Variants in PKDCC observed in about 807,000 individuals in gnomAD.
PKDCC encodes the protein extracellular tyrosine-protein kinase PKDCC.
A neutral mutation model predicts 44.7 loss-of-function variants in PKDCC; 35 were observed. The ratio of observed to expected loss-of-function variants is 0.78; its 90% CI spans 0.60 to 1.04. The LOEUF is 1.04. PKDCC is among the 50% of genes least tolerant of loss of function. The pLI, the probability that PKDCC is intolerant of heterozygous loss-of-function variation, is 0.00. For missense variants in PKDCC, 738 were observed against 672.7 expected, an observed-to-expected ratio of 1.10 and a Z score of -1.07; for synonymous variants, 353 against 303.3, an observed-to-expected ratio of 1.16 and a Z score of -1.70.
chr2:42,052,471 G>C lies in PKDCC; in HGVS notation c.640-768G>C, dbSNP rs184187337. ...TTCTTAGAAAAAACAGATTGTGGCC[G>C]GGCGCAGTGGCTCACGCCTGTAATC... On this transcript the variant is annotated intron_variant, in intron 1 of 6. Coordinates refer to ENST00000294964, the MANE Select transcript of PKDCC (RefSeq NM_138370.3). This position sits in a 1 kb window ranked among gnomAD's most constrained non-coding sequence, Gnocchi z 4.3. 6.6e-6 allele frequency among the ~76,000 whole-genome samples: 1 copy of C among 152,174 alleles called. No homozygotes were observed. The highest frequency in any genetic ancestry group is 6.5e-5 in the Admixed American group (1 of 15,272).
rs1346935870 is a variant in PKDCC, at chr2:42,051,350, C to A, written c.640-1889C>A. On this transcript the variant is annotated intron_variant, in intron 1 of 6. Transcript: ENST00000294964. The surrounding 1 kb of genome is among the most constrained non-coding windows in gnomAD (Gnocchi z 4.2). Reference sequence around the variant, plus strand: ...AACCTCTCCCCACCTCCCCCTCCCCCAGTCATCCTGGGGCCCCCAGGCCTT... The same window carrying A: ...AACCTCTCCCCACCTCCCCCTCCCCAAGTCATCCTGGGGCCCCCAGGCCTT... Among the ~76,000 whole-genome samples, 1 of 150,750 alleles carries A rather than the reference C, an allele frequency of 6.6e-6. No individual in the cohort carries two copies. The highest frequency in any genetic ancestry group is 1.5e-5 in the Non-Finnish European group (1 of 67,672).
At position 42,057,400 on chromosome 2, in the gene PKDCC, C is replaced by A; in HGVS notation, c.1396+6C>A. On this transcript the variant is annotated splice_donor_region_variant and intron_variant, in intron 6 of 6. Coordinates refer to ENST00000294964, the MANE Select transcript of PKDCC (RefSeq NM_138370.3). ...CAACCAGACCACCTGGACAGGTGAG[C>A]CAGTGGGAGAAGCCCTTCCAAGGGA... 1 of 1,614,038 alleles carries A rather than the reference C, an allele frequency of 6.2e-7. No homozygotes were observed. Among genetic ancestry groups the A allele is most frequent in the Non-Finnish European group, 8.5e-7 (1 of 1,179,988 alleles).
rs12623480 is a variant in PKDCC, at chr2:42,052,827, T to C, written c.640-412T>C. 0.78 allele frequency among the ~76,000 whole-genome samples: 118,312 copies of C among 152,136 alleles called. 47,056 individuals are homozygous for C. Among genetic ancestry groups the C allele is most frequent in the East Asian group, 0.97 (5,034 of 5,182 alleles). ...CAAATTCACATCTTAGGCTCCTACATTGATCAGCTGTGCGACCTTATGCAA... is the reference window on the plus strand; with the variant it reads ...CAAATTCACATCTTAGGCTCCTACACTGATCAGCTGTGCGACCTTATGCAA... On this transcript the variant is annotated intron_variant, in intron 1 of 6. Transcript: ENST00000294964. This position sits in a 1 kb window ranked among gnomAD's most constrained non-coding sequence, Gnocchi z 4.3.
chr2:42,054,234 T>G lies in PKDCC; in HGVS notation c.961T>G (p.Phe321Val). Residue 321 changes from phenylalanine to valine, a missense_variant, in exon 3 of 7, where the codon TTC (phenylalanine) becomes GTC (valine). Coordinates refer to ENST00000294964, the MANE Select transcript of PKDCC (RefSeq NM_138370.3). The surrounding 1 kb of genome is among the most constrained non-coding windows in gnomAD (Gnocchi z 6.1). ...CATACTCGAGTTTCCGGCCAGGAACTTCACCCTGCCCTGCTCAGCCCAGGG... is the reference window on the plus strand; with the variant it reads ...CATACTCGAGTTTCCGGCCAGGAACGTCACCCTGCCCTGCTCAGCCCAGGG... ...DCILEFPARN[F>V]TLPCSAQGWC... The G allele has an allele frequency of 6.2e-7, 1 of 1,604,404 alleles. No individual in the cohort carries two copies. The highest frequency in any genetic ancestry group is 8.5e-7 in the Non-Finnish European group (1 of 1,175,112).
chr2:42,053,261 A>G lies in PKDCC; in HGVS notation c.662A>G (p.Asp221Gly). Residue 221 changes from aspartate (D) to glycine (G), a missense_variant, in exon 2 of 7, where the codon GAC becomes GGC. By Grantham distance (94) the Asp-to-Gly change is moderately conservative. Transcript: ENST00000294964. ...CAGCTCTATGGCTACTGCTACCAGGACAGCGAGGACATCCCAGACACCCTG... is the reference window on the plus strand; with the variant it reads ...CAGCTCTATGGCTACTGCTACCAGGGCAGCGAGGACATCCCAGACACCCTG... ...VLQLYGYCYQ[D>G]SEDIPDTLTT... The G allele has an allele frequency of 6.2e-7, 1 of 1,608,494 alleles. No individual in the cohort carries two copies. Among genetic ancestry groups the G allele is most frequent in the Non-Finnish European group, 8.5e-7 (1 of 1,178,036 alleles).
chr2:42,056,761 C>CAA (rs879630679), intron 5 of PKDCC, among the ~76,000 whole-genome samples: 1 of 123,020 alleles, frequency 8.1e-6, no homozygotes, highest in Non-Finnish European at 1.7e-5. Flanking sequence ...GAGACCCCAT[C>CAA]AAAAAAAAAA....
chr2:42,055,298 G>T lies in PKDCC; in HGVS notation c.1127G>T (p.Trp376Leu), dbSNP rs369267445. ...CTGCACTCTGCAGGAGAGCTCGCCT[G>T]GGGGGTGGACGAGACCCTGGCCCAG... ...SIVNATGELA[W>L]GVDETLAQLE... is the part of the protein sequence containing the mutation. The change falls in exon 5 of 7, where the codon TGG becomes TTG. Residue 376 changes from tryptophan (W) to leucine (L), a missense_variant. Physicochemically the swap from Trp to Leu is moderately conservative, Grantham distance 61 (BLOSUM62 -2). Coordinates refer to ENST00000294964, the MANE Select transcript of PKDCC (RefSeq NM_138370.3). The surrounding 1 kb of genome is among the most constrained non-coding windows in gnomAD (Gnocchi z 4.5). 2.5e-6 allele frequency: 4 copies of T among 1,612,810 alleles called. No individual in the cohort carries two copies. The highest frequency in any genetic ancestry group is 2.2e-5 in the South Asian group (2 of 90,782).
At chr2:42,053,434 A>G (rs938771125) in intron 2 of PKDCC, 73 bp downstream of exon 2, 1 of 1,515,452 alleles carries the variant, frequency 6.6e-7, no homozygotes, top group Non-Finnish European at 8.8e-7. Context: ...CAGCCCTCCA[A>G]AGCAGCTCCC....
In PKDCC at chr2:42,055,165, C is replaced by T; in HGVS notation, c.1115-121C>T. 7.9e-7 allele frequency: 1 copy of T among 1,264,610 alleles called. No individual in the cohort carries two copies. The highest frequency in any genetic ancestry group is 1.1e-6 in the Non-Finnish European group (1 of 888,628). 78.3% of individuals were successfully genotyped at this position (1,264,610 alleles called of 1,614,324 possible). On this transcript the variant is annotated intron_variant, in intron 4 of 6. Coordinates refer to ENST00000294964, the MANE Select transcript of PKDCC (RefSeq NM_138370.3). The surrounding 1 kb of genome is among the most constrained non-coding windows in gnomAD (Gnocchi z 4.5). ...GGCATTCTGCCGCAACCTCCCCGCTCCCCCGCCCTCTGTTCACTGGGGCAC... is the reference window on the plus strand; with the variant it reads ...GGCATTCTGCCGCAACCTCCCCGCTTCCCCGCCCTCTGTTCACTGGGGCAC...
intron 1 of PKDCC, among the ~76,000 whole-genome samples, chr2:42,050,177 C>T (rs773278696): frequency 3.3e-5 from 5 of 152,220 alleles, no homozygotes; most frequent in African/African-American, 4.8e-5. Context: ...CTCAGGAGCT[C>T]GGGCAGAACC....
At chr2:42,050,700 C>T (rs569020870) in intron 1 of PKDCC, among the ~76,000 whole-genome samples, 7 of 152,082 alleles carry the variant, frequency 4.6e-5, no homozygotes, top group African/African-American at 7.2e-5. Context: ...GAGTCCCAGA[C>T]GAGAGTTAGT....
intron 1 of PKDCC, among the ~76,000 whole-genome samples, chr2:42,050,208 C>T (rs1572759772): frequency 6.6e-6 from 1 of 152,192 alleles, no homozygotes; most frequent in East Asian, 1.9e-4. Context: ...TGTAGTGAAG[C>T]CTGGCTGCAC....
Position 42,051,617 on chromosome 2 carries a change from G to A in PKDCC, c.640-1622G>A, listed in dbSNP as rs957510611. ...CCACAAAGGCTCAGACTCTGGGCAA[G>A]AAAATGAGAACCAGGCCCCAGGGCT... On this transcript the variant is annotated intron_variant, in intron 1 of 6. Transcript: ENST00000294964. This position sits in a 1 kb window ranked among gnomAD's most constrained non-coding sequence, Gnocchi z 4.2. 6.6e-6 allele frequency among the ~76,000 whole-genome samples: 1 copy of A among 152,124 alleles called. No individual in the cohort carries two copies. The highest frequency in any genetic ancestry group is 1.5e-5 in the Non-Finnish European group (1 of 68,008).
In PKDCC at chr2:42,057,240, C is replaced by T. The variant is rs1178664232; in HGVS notation, c.1242C>T (p.Asp414=). The change falls in exon 6 of 7, where the codon GAC becomes GAT. Residue 414 remains aspartate, a synonymous_variant. Transcript: ENST00000294964. ...CCACAGAGTACCAGTGTATCCCAGA[C>T]AGCACCATCCCCCAGGAAGACTACC... ...SSSTEYQCIP[D]STIPQEDYRC... 8 of 1,614,086 alleles carry T rather than the reference C, an allele frequency of 5.0e-6. No homozygotes were observed. The highest frequency in any genetic ancestry group is 5.9e-6 in the Non-Finnish European group (7 of 1,180,034).
intron 1 of PKDCC, among the ~76,000 whole-genome samples, chr2:42,049,759 C>G (rs976737192): frequency 1.3e-5 from 2 of 152,166 alleles, no homozygotes; most frequent in Non-Finnish European, 1.5e-5. Flanking sequence ...TAACACTCCA[C>G]GTCCTCTCTC....
Position 42,048,545 on chromosome 2 carries a change from C to T in PKDCC, c.346C>T (p.Pro116Ser), listed in dbSNP as rs1020789099. 2.4e-6 allele frequency: 3 copies of T among 1,261,388 alleles called. No homozygotes were observed. The African/African-American group carries it at 4.7e-5, about 20-fold the overall frequency. 78.1% of individuals were successfully genotyped at this position (1,261,388 alleles called of 1,614,324 possible). A position where few individuals can be genotyped will look rare whatever the true frequency, so the allele number is the denominator to read the frequency against. ...RPLSDGAPGWPPAPGPGSPGP... is the reference protein window; with the variant it reads ...RPLSDGAPGWSPAPGPGSPGP... Reference sequence around the variant, plus strand: ...CCTGTCCGACGGCGCCCCAGGCTGGCCCCCGGCTCCCGGCCCAGGCTCCCC... The same window carrying T: ...CCTGTCCGACGGCGCCCCAGGCTGGTCCCCGGCTCCCGGCCCAGGCTCCCC... The change falls in exon 1 of 7, where the codon CCC (proline) becomes TCC (serine). Residue 116 changes from proline to serine, a missense_variant. Coordinates refer to ENST00000294964, the MANE Select transcript of PKDCC (RefSeq NM_138370.3). This position sits in a 1 kb window ranked among gnomAD's most constrained non-coding sequence, Gnocchi z 6.2.
chr2:42,054,556 G>A lies in PKDCC; in HGVS notation c.1034+249G>A, dbSNP rs957634209. The A allele has an allele frequency of 1.1e-5, 6 of 567,602 alleles. No homozygotes were observed. The highest frequency in any genetic ancestry group is 5.6e-5 in the African/African-American group (3 of 53,366). 35.2% of individuals were successfully genotyped at this position (567,602 alleles called of 1,614,324 possible). On this transcript the variant is annotated intron_variant, in intron 3 of 6. Transcript: ENST00000294964. The surrounding 1 kb of genome is among the most constrained non-coding windows in gnomAD (Gnocchi z 6.1). ...GGCTTCTTAAAATAGTGTTGGACTC[G>A]GAGCCTAGGGCTGGTGGAACTGGCA...
Position 42,048,903 on chromosome 2 carries a change from G to C in PKDCC, c.639+65G>C. ...GAGTGCCCAAGACCTTGTCAACCTG[G>C]CTGGAAGAGAACCCCTTGATCTGGA... On this transcript the variant is annotated intron_variant, in intron 1 of 6. Transcript: ENST00000294964. This position sits in a 1 kb window ranked among gnomAD's most constrained non-coding sequence, Gnocchi z 6.2. The C allele has an allele frequency of 7.3e-7, 1 of 1,378,022 alleles. No individual in the cohort carries two copies. The highest frequency in any genetic ancestry group is 9.4e-7 in the Non-Finnish European group (1 of 1,060,954). The allele number at this position is 1,378,022 out of a possible 1,614,324, so 85.4% of individuals were successfully genotyped here. A position where few individuals can be genotyped will look rare whatever the true frequency, so the allele number is the denominator to read the frequency against.
In PKDCC at chr2:42,048,393, A is replaced by C; in HGVS notation, c.194A>C (p.Glu65Ala). 1 of 1,142,024 alleles carries C rather than the reference A, an allele frequency of 8.8e-7. No homozygotes were observed. Among genetic ancestry groups the C allele is most frequent in the Non-Finnish European group, 1.1e-6 (1 of 934,504 alleles). The allele number at this position is 1,142,024 out of a possible 1,614,324, so 70.7% of individuals were successfully genotyped here. Residue 65 changes from glutamate to alanine, a missense_variant, in exon 1 of 7, where the codon GAG becomes GCG. By Grantham distance (107) the Glu-to-Ala change is moderately radical (BLOSUM62 -1). Transcript: ENST00000294964. This position sits in a 1 kb window ranked among gnomAD's most constrained non-coding sequence, Gnocchi z 6.2. The stretch of plus-strand genomic sequence containing the variant: ...GCCCGGCAGATCCGGGCGCGCTACG[A>C]GGAGGTGCAGCGCTATTCCCGCGGG... Reference protein sequence around the residue: ...ELARQIRARYEEVQRYSRGGP... With the variant: ...ELARQIRARYAEVQRYSRGGP...
Sources: allele counts gnomAD v4.1 joint callset (sites outside exome capture counted in the v4.1 genomes callset), GRCh38; gene constraint gnomAD v4.1.1; non-coding constraint Gnocchi (gnomAD v3.1); transcripts MANE v1.5; gene names NCBI Gene and HGNC (gene_info 2026-07-23, HGNC 2026-07-21).